Variants in RBFOX1 observed in about 807,000 individuals in gnomAD.
RBFOX1 encodes the protein RNA binding protein fox-1 homolog 1.
A neutral mutation model predicts 57.7 loss-of-function variants in RBFOX1; 8 were observed. The observed-to-expected ratio is 0.14, with a 90% CI of 0.08 to 0.25. RBFOX1 has a LOEUF of 0.25. Ranked by LOEUF, RBFOX1 falls within the 10% of genes least tolerant of loss-of-function variation. The pLI, the probability that RBFOX1 is intolerant of heterozygous loss-of-function variation, is 1.00. For missense variants in RBFOX1, 611 were observed against 548.5 expected (o/e 1.11, Z -1.14); for synonymous variants, 326 against 222.4 (o/e 1.47, Z -4.15).
At chr16:7,117,777 G>T (rs759909686) in intron 4 of RBFOX1, among the ~76,000 whole-genome samples, 13 of 152,138 alleles carry the variant, frequency 8.5e-5, no homozygotes, top group Non-Finnish European at 1.3e-4. Flanking sequence ...CTGCAGTCAG[G>T]GTATCAGCCA....
intron 12 of RBFOX1, among the ~76,000 whole-genome samples, chr16:7,662,267 T>C (rs2067959039): frequency 6.6e-6 from 1 of 152,210 alleles, no homozygotes; most frequent in Non-Finnish European, 1.5e-5. Flanking sequence ...AAATACATTG[T>C]TTACTTCTAG....
intron 14 of RBFOX1, among the ~76,000 whole-genome samples, chr16:7,703,213 G>C (rs974884849): frequency 6.6e-6 from 1 of 152,204 alleles, no homozygotes; most frequent in Non-Finnish European, 1.5e-5. Context: ...TAAGGATAAA[G>C]GAGGCACTGT....
At chr16:5,294,523 C>G (rs553466149) in intron 1 of RBFOX1, among the ~76,000 whole-genome samples, 67 of 152,322 alleles carry the variant, frequency 4.4e-4, no homozygotes, top group African/African-American at 1.4e-3. Context: ...TCAAAATGCA[C>G]TGGGATCCCT....
intron 4 of RBFOX1, among the ~76,000 whole-genome samples, chr16:5,995,363 G>T (rs1427512848): frequency 6.6e-6 from 1 of 152,104 alleles, no homozygotes; most frequent in Non-Finnish European, 1.5e-5. Context: ...GTGTAGAAAG[G>T]CAAGCTCATT....
chr16:6,819,778 T>G (rs1011059827), intron 3 of RBFOX1, among the ~76,000 whole-genome samples: 11 of 150,036 alleles, frequency 7.3e-5, no homozygotes, highest in Non-Finnish European at 1.2e-4. Context: ...AAAATCTATT[T>G]CAAAGAAAGG....
chr16:7,708,824 G>GTGTATATA (rs2083340261), intron 14 of RBFOX1, among the ~76,000 whole-genome samples: 1 of 151,962 alleles, frequency 6.6e-6, no homozygotes, highest in Admixed American at 6.6e-5. Flanking sequence ...GTAAGTACGT[G>GTGTATATA]TGTATATATG....
chr16:7,470,863 GA>G (rs1301900673), intron 4 of RBFOX1, among the ~76,000 whole-genome samples: 1 of 151,110 alleles, frequency 6.6e-6, no homozygotes, highest in Non-Finnish European at 1.5e-5. Context: ...ATTGAGCATA[GA>G]AAGAGTAGAT....
chr16:7,528,442 C>T (rs996101002), intron 5 of RBFOX1, among the ~76,000 whole-genome samples: 1 of 152,190 alleles, frequency 6.6e-6, no homozygotes, highest in Non-Finnish European at 1.5e-5. Flanking sequence ...CTAATTCCCT[C>T]TGCATAGCTG....
chr16:5,978,800 G>C (rs968621676), intron 4 of RBFOX1, among the ~76,000 whole-genome samples: 6 of 151,786 alleles, frequency 4.0e-5, no homozygotes, highest in Non-Finnish European at 7.4e-5. Context: ...CTGGGGTTTG[G>C]AGTTGTGGGG....
chr16:7,460,573 A>AAGGGT (rs1555478148), intron 4 of RBFOX1, among the ~76,000 whole-genome samples: 1 of 149,398 alleles, frequency 6.7e-6, no homozygotes, highest in African/African-American at 2.5e-5. Context: ...CAGAGGGTGG[A>AAGGGT]AGGTAGGAGG....
chr16:7,142,333 T>C (rs2074000261), intron 4 of RBFOX1, among the ~76,000 whole-genome samples: 1 of 152,126 alleles, frequency 6.6e-6, no homozygotes, highest in Admixed American at 6.5e-5. Flanking sequence ...CAAGTCCCAT[T>C]TCACTTAGGA....
rs561433030 is a variant in RBFOX1 at position 6,351,576 on chromosome 16, T to G, written c.-64+34519T>G. 3.3e-5 allele frequency among the ~76,000 whole-genome samples: 5 copies of G among 151,714 alleles called. No individual in the cohort carries two copies. In the East Asian group the frequency reaches 5.9e-4, roughly 18 times the overall value. ...TTTGGTAGAGACAGGGTTTCACTAT[T>G]TTGGCCAGGGTGGTCTCGAACTCCT... is the stretch of plus-strand genomic sequence containing the variant. On this transcript the variant is annotated intron_variant, in intron 2 of 15. Coordinates refer to ENST00000550418, the MANE Select transcript of RBFOX1 (RefSeq NM_018723.4).
At chr16:5,650,777 G>T (rs1001330694) in intron 3 of RBFOX1, among the ~76,000 whole-genome samples, 2 of 152,000 alleles carry the variant, frequency 1.3e-5, no homozygotes, top group African/African-American at 4.8e-5. Context: ...TGAATGCTCA[G>T]TTTGGGTCTT....
chr16:7,317,875 C>T (rs2096473431), intron 4 of RBFOX1, among the ~76,000 whole-genome samples: 1 of 152,172 alleles, frequency 6.6e-6, no homozygotes, highest in Admixed American at 6.5e-5. Flanking sequence ...AGGAGTATGG[C>T]ACGAGCTAGT....
rs143514920 is a variant in RBFOX1, at chr16:6,842,016, G to A, written c.-16+187366G>A. Among the ~76,000 whole-genome samples, 1,392 of 151,686 alleles carry A rather than the reference G, an allele frequency of 9.2e-3. 19 individuals are homozygous for A. Among genetic ancestry groups the A allele is most frequent in the African/African-American group, 0.03 (1,247 of 41,378 alleles). On this transcript the variant is annotated intron_variant, in intron 3 of 15. Transcript: ENST00000550418. ...AAATTAGCCGGGCGTGGTGGCGGGC[G>A]CCTGTAGTCCCAGCTACACGGGAGG...
intron 2 of RBFOX1, among the ~76,000 whole-genome samples, chr16:6,618,617 A>G (rs1365329550): frequency 6.6e-6 from 1 of 152,188 alleles, no homozygotes. Context: ...AGGTAAAATC[A>G]CTTCTCCAAG....
chr16:6,062,335 C>G (rs574913265), intron 1 of RBFOX1, among the ~76,000 whole-genome samples: 1 of 151,972 alleles, frequency 6.6e-6, no homozygotes, highest in Non-Finnish European at 1.5e-5. Flanking sequence ...ACAGAAAATT[C>G]CTACCCTCTA....
At chr16:6,742,962 CTT>C (rs2072641919) in intron 3 of RBFOX1, among the ~76,000 whole-genome samples, 1 of 152,100 alleles carries the variant, frequency 6.6e-6, no homozygotes, top group African/African-American at 2.4e-5. Flanking sequence ...TACAAACACA[CTT>C]TATCAATGTC....
intron 4 of RBFOX1, among the ~76,000 whole-genome samples, chr16:7,316,706 G>A (rs1020429760): frequency 6.6e-6 from 1 of 152,130 alleles, no homozygotes; most frequent in Non-Finnish European, 1.5e-5. Flanking sequence ...CTTTTTTGAA[G>A]AAGTGACATC....
Sources: gnomAD v4.1 joint callset for allele counts (sites outside exome capture counted in the v4.1 genomes callset) on GRCh38, gnomAD v4.1.1 for gene constraint, MANE v1.5 for transcripts, NCBI Gene and HGNC (gene_info 2026-07-23, HGNC 2026-07-21) for gene names.